The following ASTE1 variants were observed in gnomAD, a reference collection of about 807,000 sequenced individuals.
ASTE1 encodes single-strand DNA endonuclease ASTE1.
A neutral mutation model predicts 45.8 loss-of-function variants in ASTE1; 49 were observed. The ratio of observed to expected loss-of-function variants is 1.07; its 90% confidence interval spans 0.85 to 1.36. ASTE1 has a LOEUF of 1.36. Among genes scored for constraint, ASTE1 ranks in the 40% most tolerant of loss-of-function variants. ASTE1 has a pLI of 0.00. For missense variants in ASTE1, 709 were observed against 804.0 expected (o/e 0.88, Z 1.43); for synonymous variants, 296 against 303.9 (o/e 0.97, Z 0.27).
intron 4 of ASTE1, 142 bp downstream of exon 4, chr3:131,018,364 T>C (rs943267151): frequency 6.4e-6 from 5 of 782,736 alleles, no homozygotes; most frequent in Non-Finnish European, 1.0e-5. Flanking sequence ...GAATGAATGA[T>C]ATTTTGGTGC....
intron 3 of ASTE1, among the ~76,000 whole-genome samples, chr3:131,023,629 C>T (rs1384207042): frequency 6.6e-6 from 1 of 152,074 alleles, no homozygotes; most frequent in Non-Finnish European, 1.5e-5. Context: ...TGATTAGTGT[C>T]TATACACTTT....
chr3:131,019,208 C>T (rs980522170), intron 3 of ASTE1, among the ~76,000 whole-genome samples: 11 of 152,226 alleles, frequency 7.2e-5, no homozygotes, highest in Non-Finnish European at 1.3e-4. Flanking sequence ...TAATTGCCTC[C>T]AGAAGACAAA....
At chr3:131,022,791 TCTC>T (rs1287896513) in intron 3 of ASTE1, among the ~76,000 whole-genome samples, 1 of 152,100 alleles carries the variant, frequency 6.6e-6, no homozygotes, top group East Asian at 1.9e-4. Flanking sequence ...ATGACATTCA[TCTC>T]CTCCTGTCTG....
chr3:131,014,533 C>T (rs2063497143), intron 5 of ASTE1, 146 bp from the exon 6 acceptor site: 1 of 843,976 alleles, frequency 1.2e-6, no homozygotes, highest in Non-Finnish European at 1.7e-6. Flanking sequence ...TAAGAATAAT[C>T]TGTTCTTTGA....
Position 131,016,311 on chromosome 3 carries a change from A to G in ASTE1, c.1542T>C (p.Ala514=). 1 of 1,614,186 alleles carries G rather than the reference A, an allele frequency of 6.2e-7. No individual in the cohort carries two copies. Among genetic ancestry groups the G allele is most frequent in the South Asian group, 1.1e-5 (1 of 91,078 alleles). ...PGKEELQEDG[A]KMLYAEFQRV... ...TTTGGAACTCTGCATACAACATCTT[A>G]GCACCATCTTCCTGCAGCTCTTCCT... is the stretch of plus-strand genomic sequence containing the variant. The change falls in exon 5 of 6, where the codon GCT becomes GCC. Residue 514 remains alanine (A), a synonymous_variant. Transcript: ENST00000264992.
chr3:131,022,986 G>A (rs1378302206), intron 3 of ASTE1, among the ~76,000 whole-genome samples: 1 of 152,142 alleles, frequency 6.6e-6, no homozygotes, highest in Non-Finnish European at 1.5e-5. Context: ...GATACCGATA[G>A]CAACCACTAC....
In ASTE1 at chr3:131,016,352, ACAGCCCAAGGG is replaced by A; in HGVS notation, c.1514-24_1514-14del. The A allele has an allele frequency of 6.2e-7, 1 of 1,614,144 alleles. No homozygotes were observed. The highest frequency in any genetic ancestry group is 8.5e-7 in the Non-Finnish European group (1 of 1,180,006). On this transcript the variant is annotated splice_polypyrimidine_tract_variant and intron_variant, in intron 4 of 5. Coordinates refer to ENST00000264992, the MANE Select transcript of ASTE1 (RefSeq NM_014065.4). The stretch of plus-strand genomic sequence containing the variant: ...AGCTCTTCCTTACCTAAATAAAGAA[ACAGCCCAAGGG>A]CAGTATTTCTAAAAGCACTGTAACA...
chr3:131,025,043 C>T lies in ASTE1; in HGVS notation c.264G>A (p.Lys88=). 6.2e-7 allele frequency: 1 copy of T among 1,604,784 alleles called. No individual in the cohort carries two copies. Among genetic ancestry groups the T allele is most frequent in the Non-Finnish European group, 8.5e-7 (1 of 1,175,100 alleles). ...LDGGCDISDK[K]LTTLKDRARE... ...TAGCTCTATCCTTTAAAGTTGTAAG[C>T]TTTTTATCTGAAATGTCACATCCTC... Residue 88 remains lysine (K), a synonymous_variant, in exon 3 of 6, where the codon AAG becomes AAA. Transcript: ENST00000264992.
intron 3 of ASTE1, among the ~76,000 whole-genome samples, chr3:131,019,310 A>C (rs1204750641): frequency 6.6e-6 from 1 of 152,186 alleles, no homozygotes; most frequent in Non-Finnish European, 1.5e-5. Flanking sequence ...TTGTCTTTGC[A>C]TAAAAGACAC....
At chr3:131,017,298 C>T (rs997846584) in intron 4 of ASTE1, among the ~76,000 whole-genome samples, 1 of 152,204 alleles carries the variant, frequency 6.6e-6, no homozygotes, top group Admixed American at 6.5e-5. Flanking sequence ...AAACAGGAAT[C>T]CATGCTGTTT....
In ASTE1 at chr3:131,014,013, G is replaced by A. The variant is rs1354666317; in HGVS notation, c.*44C>T. On this transcript the variant is annotated 3_prime_UTR_variant, in exon 6 of 6. Transcript: ENST00000264992. ...AAGGGTGGTAACGGAAGAATTTTAA[G>A]TAAGGATTATATTAAATACATCTAG... 1.4e-6 allele frequency: 2 copies of A among 1,409,632 alleles called. No individual in the cohort carries two copies. Among genetic ancestry groups the A allele is most frequent in the Non-Finnish European group, 1.9e-6 (2 of 1,045,944 alleles). The allele number at this position is 1,409,632 out of a possible 1,614,324, so 87.3% of individuals were successfully genotyped here. A position where few individuals can be genotyped will look rare whatever the true frequency, so the allele number is the denominator to read the frequency against.
At chr3:131,014,848 A>G (rs1279769154) in intron 5 of ASTE1, among the ~76,000 whole-genome samples, 2 of 152,232 alleles carry the variant, frequency 1.3e-5, no homozygotes, top group East Asian at 3.8e-4. Context: ...TATTATGGAC[A>G]AAGCTGATAA....
chr3:131,016,997 C>T, intron 4 of ASTE1: 1 of 1,289,264 alleles, frequency 7.8e-7, no homozygotes, highest in Non-Finnish European at 1.0e-6. Flanking sequence ...CACCTTTTAC[C>T]AACTAGCGAG....
intron 3 of ASTE1, among the ~76,000 whole-genome samples, chr3:131,023,029 T>C (rs950572752): frequency 6.6e-6 from 1 of 152,098 alleles, no homozygotes; most frequent in African/African-American, 2.4e-5. Flanking sequence ...ACAACAAAAA[T>C]GTCTCCAGGC....
At position 131,018,843 on chromosome 3, in the gene ASTE1, T is replaced by C; in HGVS notation, c.1303-127A>G. The C allele has an allele frequency of 3.2e-6, 3 of 927,590 alleles. No individual in the cohort carries two copies. In the South Asian group the frequency reaches 5.2e-5, roughly 16 times the overall value. The allele number at this position is 927,590 out of a possible 1,614,324, so 57.5% of individuals were successfully genotyped here. A position where few individuals can be genotyped will look rare whatever the true frequency, so the allele number is the denominator to read the frequency against. On this transcript the variant is annotated intron_variant, in intron 3 of 5. Transcript: ENST00000264992. The stretch of plus-strand genomic sequence containing the variant: ...GTCAGCTGTTAAACTTATCTTCTTG[T>C]GGGAAAAAAAATCAGCCACACTCAC...
chr3:131,021,914 A>G (rs755653447), intron 3 of ASTE1, among the ~76,000 whole-genome samples: 2 of 152,188 alleles, frequency 1.3e-5, no homozygotes, highest in Non-Finnish European at 2.9e-5. Context: ...TCAGCAAAAC[A>G]TTAATAATGT....
chr3:131,025,625 G>T, intron 1 of ASTE1, 31 bp from the exon 2 acceptor site: 1 of 302,044 alleles, frequency 3.3e-6, no homozygotes, highest in Non-Finnish European at 6.1e-6. Flanking sequence ...GTCCATTACT[G>T]ACACACCAGT....
Position 131,025,163 on chromosome 3 carries a change from C to T in ASTE1, c.144G>A (p.Arg48=), listed in dbSNP as rs766943710. 5.0e-6 allele frequency: 8 copies of T among 1,614,204 alleles called. No individual in the cohort carries two copies. In the South Asian group the frequency reaches 8.8e-5, roughly 18 times the overall value. Residue 48 remains arginine, a synonymous_variant, in exon 3 of 6, where the codon CGG becomes CGA. Coordinates refer to ENST00000264992, the MANE Select transcript of ASTE1 (RefSeq NM_014065.4). The part of the protein sequence containing the change: ...RLCFSSNLDL[R]YGGDYDSFAD... The stretch of plus-strand genomic sequence containing the variant: ...CAAAAGAATCATAGTCCCCTCCATA[C>T]CGGAGATCCAAGTTTGAACTGAAGC...
Position 131,024,433 on chromosome 3 carries a change from G to T in ASTE1, c.874C>A (p.Leu292Ile), listed in dbSNP as rs557440369. Reference sequence around the variant, plus strand: ...TGGTATTCTTCCATGGAACAGCAGAGAAGTTCCTTAACATTTTCTCGATCC... The same window carrying T: ...TGGTATTCTTCCATGGAACAGCAGATAAGTTCCTTAACATTTTCTCGATCC... Reference protein sequence around the residue: ...KKDRENVKELLCCSMEEYQQS... With the variant: ...KKDRENVKELICCSMEEYQQS... Residue 292 changes from leucine to isoleucine, a missense_variant, in exon 3 of 6, where the codon CTC becomes ATC. Coordinates refer to ENST00000264992, the MANE Select transcript of ASTE1 (RefSeq NM_014065.4). 1 of 1,614,230 alleles carries T rather than the reference G, an allele frequency of 6.2e-7. No homozygotes were observed. The highest frequency in any genetic ancestry group is 8.5e-7 in the Non-Finnish European group (1 of 1,180,042).
Sources: gnomAD v4.1 joint callset for allele counts (sites outside exome capture counted in the v4.1 genomes callset) on GRCh38, gnomAD v4.1.1 for gene constraint, MANE v1.5 for transcripts, NCBI Gene and HGNC (gene_info 2026-07-23, HGNC 2026-07-21) for gene names.